Variants in DCC observed in about 807,000 individuals in gnomAD.
The protein encoded by DCC is netrin receptor DCC.
A neutral mutation model predicts 172.5 loss-of-function variants in DCC; 58 were observed. The observed-to-expected ratio is 0.34, with a 90% CI of 0.27 to 0.42. The LOEUF is 0.42. DCC is among the 10% of genes least tolerant of loss of function. The pLI, the probability that DCC is intolerant of heterozygous loss-of-function variation, is 1.00. For missense variants in DCC, 1,740 were observed against 1,791.0 expected (o/e 0.97, Z 0.51); for synonymous variants, 709 against 644.5 (o/e 1.10, Z -1.52).
At chr18:53,179,292 C>T (rs974038826) in intron 9 of DCC, among the ~76,000 whole-genome samples, 176 bp downstream of exon 9, 7 of 152,174 alleles carry the variant, frequency 4.6e-5, no homozygotes, top group Non-Finnish European at 8.8e-5. Context: ...ATAGAATGGC[C>T]TCTTCACTTA....
intron 28 of DCC, among the ~76,000 whole-genome samples, chr18:53,527,792 C>T (rs1008163616): frequency 1.3e-4 from 19 of 151,874 alleles, no homozygotes; most frequent in Non-Finnish European, 2.2e-4. Flanking sequence ...TTAGTTGTTT[C>T]TGAATATAAT....
intron 12 of DCC, among the ~76,000 whole-genome samples, chr18:53,264,521 G>A (rs2056648471): frequency 1.3e-5 from 2 of 150,398 alleles, no homozygotes. Flanking sequence ...AAGAAACACA[G>A]TGGTACCTCC....
intron 26 of DCC, 136 bp from the exon 27 acceptor site, chr18:53,499,162 A>G (rs2046064398): frequency 2.4e-6 from 2 of 824,386 alleles, no homozygotes; most frequent in African/African-American, 1.7e-5. Flanking sequence ...GACGAATGAC[A>G]ATGTTCATAA....
chr18:52,802,048 C>G (rs1192069068), intron 2 of DCC, among the ~76,000 whole-genome samples: 1 of 151,392 alleles, frequency 6.6e-6, no homozygotes, highest in African/African-American at 2.4e-5. Flanking sequence ...TATCAACATC[C>G]CTCTGAGCAG....
At chr18:53,528,963 A>G (rs2046489191) in intron 28 of DCC, among the ~76,000 whole-genome samples, 1 of 149,530 alleles carries the variant, frequency 6.7e-6, no homozygotes, top group African/African-American at 2.4e-5. Context: ...TGAAAACAAC[A>G]TTTTGGAAAT....
chr18:53,352,985 A>C (rs189905269), intron 15 of DCC, among the ~76,000 whole-genome samples: 13 of 152,328 alleles, frequency 8.5e-5, no homozygotes, highest in Admixed American at 8.5e-4. Context: ...AGTAAATACT[A>C]TACCACTTAA....
intron 21 of DCC, among the ~76,000 whole-genome samples, chr18:53,419,327 A>C (rs1181279134): frequency 6.6e-6 from 1 of 152,094 alleles, no homozygotes; most frequent in Non-Finnish European, 1.5e-5. Flanking sequence ...AAAAATGTAC[A>C]ATTATATTAT....
At chr18:53,002,109 T>A (rs2041574900) in intron 5 of DCC, among the ~76,000 whole-genome samples, 1 of 152,126 alleles carries the variant, frequency 6.6e-6, no homozygotes, top group South Asian at 2.1e-4. Flanking sequence ...ATTGTTCATC[T>A]AGCCACATGT....
At chr18:52,668,237 CAG>C (rs563611924) in intron 1 of DCC, among the ~76,000 whole-genome samples, 91 of 152,260 alleles carry the variant, frequency 6.0e-4, no homozygotes, top group African/African-American at 2.2e-3. Context: ...TTGAGAATTT[CAG>C]AGAGTGGGGC....
At chr18:52,827,668 A>T (rs996937623) in intron 2 of DCC, among the ~76,000 whole-genome samples, 6 of 152,240 alleles carry the variant, frequency 3.9e-5, no homozygotes, top group Non-Finnish European at 7.3e-5. Flanking sequence ...TCCACACAAT[A>T]GCTCTTCTAC....
chr18:52,810,362 C>T (rs930947714), intron 2 of DCC, among the ~76,000 whole-genome samples: 1 of 152,176 alleles, frequency 6.6e-6, no homozygotes, highest in Admixed American at 6.5e-5. Flanking sequence ...GATGCCCTAC[C>T]TGGGCCTTGC....
At chr18:52,523,482 C>A (rs1460324687) in intron 1 of DCC, among the ~76,000 whole-genome samples, 1 of 152,054 alleles carries the variant, frequency 6.6e-6, no homozygotes, top group Non-Finnish European at 1.5e-5. Context: ...TTTTTAGAAA[C>A]AAATTGTTTA....
chr18:52,981,634 G>A (rs559635761), intron 5 of DCC, among the ~76,000 whole-genome samples: 1 of 152,252 alleles, frequency 6.6e-6, no homozygotes, highest in South Asian at 2.1e-4. Context: ...TCAGTTAAAT[G>A]TGAGATTGGT....
At chr18:52,418,858 C>CT (rs11313758) in intron 1 of DCC, among the ~76,000 whole-genome samples, 83 of 92,992 alleles carry the variant, frequency 8.9e-4, no homozygotes, top group South Asian at 1.1e-3. Context: ...TTCTTTCTTT[C>CT]TTTTTTTTTT....
intron 3 of DCC, among the ~76,000 whole-genome samples, chr18:52,923,279 T>C (rs1454616819): frequency 6.6e-6 from 1 of 152,164 alleles, no homozygotes; most frequent in Non-Finnish European, 1.5e-5. Context: ...AATTCTAATA[T>C]ATTTGTTTCT....
intron 2 of DCC, among the ~76,000 whole-genome samples, chr18:52,904,768 T>G (rs1258788812): frequency 2.0e-5 from 3 of 152,224 alleles, no homozygotes; most frequent in Admixed American, 6.5e-5. Flanking sequence ...GATCAAAGTT[T>G]ATTGTGACAT....
At chr18:53,151,347 CAT>C (rs1171886618) in intron 7 of DCC, among the ~76,000 whole-genome samples, 23 of 152,134 alleles carry the variant, frequency 1.5e-4, no homozygotes, top group Admixed American at 1.5e-3. Context: ...CTAACTTTTC[CAT>C]AGTCTTACAC....
At chr18:52,627,339 T>G (rs2034593554) in intron 1 of DCC, among the ~76,000 whole-genome samples, 1 of 152,148 alleles carries the variant, frequency 6.6e-6, no homozygotes, top group Non-Finnish European at 1.5e-5. Flanking sequence ...CTGGGTGAGT[T>G]GGGTGGTCAG....
chr18:53,348,052 A>G (rs942450025), intron 15 of DCC, among the ~76,000 whole-genome samples: 1 of 152,042 alleles, frequency 6.6e-6, no homozygotes, highest in Admixed American at 6.6e-5. Context: ...AAAACCAAAC[A>G]TGCCTTCCCA....
Sources: gnomAD v4.1 joint callset for allele counts (sites outside exome capture counted in the v4.1 genomes callset) on GRCh38, gnomAD v4.1.1 for gene constraint, MANE v1.5 for transcripts, NCBI Gene and HGNC (gene_info 2026-07-23, HGNC 2026-07-21) for gene names.